Variants in CACNB4 observed in about 807,000 individuals in gnomAD.
The protein encoded by CACNB4 is calcium voltage-gated channel auxiliary subunit beta 4, also known as voltage-dependent L-type calcium channel subunit beta-4.
Under a neutral mutation model 71.2 loss-of-function variants are expected in CACNB4, and 32 were observed. That is an observed-to-expected ratio of 0.45 (90% CI 0.34 to 0.60). The LOEUF is 0.60. CACNB4 is among the 20% of genes least tolerant of loss of function. CACNB4 has a pLI of 0.01. For synonymous variants in CACNB4, 231 were observed against 236.9 expected (o/e 0.97, Z 0.23); for missense variants, 464 against 647.9 (o/e 0.72, Z 3.08).
intron 2 of CACNB4, among the ~76,000 whole-genome samples, chr2:152,029,615 C>A (rs556350703): frequency 6.6e-6 from 1 of 152,158 alleles, no homozygotes; most frequent in South Asian, 2.1e-4. Context: ...GGAAGAGGGT[C>A]TGCTATGGTC....
In CACNB4 at chr2:151,839,220, C is replaced by T; in HGVS notation, c.1462G>A (p.Val488Met). ...SQHSRDHYPL[V>M]EEDYPDSYQD... ...TATGAGTCAGGGTAATCTTCTTCCACAAGAGGGTAATGATCTCGGCTATGC... is the reference window on the plus strand; with the variant it reads ...TATGAGTCAGGGTAATCTTCTTCCATAAGAGGGTAATGATCTCGGCTATGC... Residue 488 changes from valine (V) to methionine (M), a missense_variant, in exon 14 of 14, where the codon GTG (valine) becomes ATG (methionine). Coordinates refer to ENST00000539935, the MANE Select transcript of CACNB4 (RefSeq NM_000726.5). The T allele has an allele frequency of 6.2e-7, 1 of 1,613,706 alleles. No individual in the cohort carries two copies. The highest frequency in any genetic ancestry group is 1.3e-5 in the African/African-American group (1 of 75,040).
At position 151,957,257 on chromosome 2, in the gene CACNB4, C is replaced by CGTGTATGTGTGTGTGTGTGTGTGTGTGT. The variant is rs3068823; in HGVS notation, c.148-73888_148-73887insACACACACACACACACACACACATACAC. On this transcript the variant is annotated intron_variant, in intron 2 of 13. Transcript: ENST00000539935. ...AGAAAAAAAAAGTAGAGTGGCTGGGCGTGTGTGTGTGTGTGTGTGTGTGTG... is the reference window on the plus strand; with the variant it reads ...AGAAAAAAAAAGTAGAGTGGCTGGGCGTGTATGTGTGTGTGTGTGTGTGTGTGTGTGTGTGTGTGTGTGTGTGTGTGTG... Among the ~76,000 whole-genome samples the CGTGTATGTGTGTGTGTGTGTGTGTGTGT allele has an allele frequency of 4.4e-4, 58 of 131,870 alleles. 1 individual carries two copies. Among genetic ancestry groups the CGTGTATGTGTGTGTGTGTGTGTGTGTGT allele is most frequent in the Admixed American group, 1.2e-3 (15 of 12,840 alleles). The allele number at this position is 131,870 out of a possible 152,430, so 86.5% of individuals were successfully genotyped here.
At chr2:152,023,510 C>CT (rs933380324) in intron 2 of CACNB4, among the ~76,000 whole-genome samples, 9 of 152,120 alleles carry the variant, frequency 5.9e-5, no homozygotes, top group African/African-American at 2.2e-4. Flanking sequence ...TCTCAGCTCA[C>CT]TGCAACCTCT....
At chr2:151,936,026 G>A (rs564324294) in intron 2 of CACNB4, among the ~76,000 whole-genome samples, 6 of 152,264 alleles carry the variant, frequency 3.9e-5, no homozygotes, top group African/African-American at 1.2e-4. Context: ...TAAACCAGCC[G>A]TCAAAAACAA....
intron 2 of CACNB4, among the ~76,000 whole-genome samples, chr2:152,038,667 T>A (rs1253117012): frequency 1.3e-5 from 2 of 152,108 alleles, no homozygotes; most frequent in Non-Finnish European, 2.9e-5. Flanking sequence ...GACATGGCAA[T>A]AAAAGCAGGA....
rs1390232925 is a variant in CACNB4, at chr2:151,971,735, T to A, written c.148-88365A>T. 7.8e-6 allele frequency: 5 copies of A among 644,470 alleles called. No individual in the cohort carries two copies. The East Asian group carries it at 1.4e-4, about 18-fold the overall frequency. The allele number at this position is 644,470 out of a possible 1,614,324, so 39.9% of individuals were successfully genotyped here. ...AAAAACAAATAAACTCAAATGAGCA[T>A]TCAGAGTCAGTTCACCCCTCCGAAC... On this transcript the variant is annotated intron_variant, in intron 2 of 13. Transcript: ENST00000539935.
intron 2 of CACNB4, chr2:151,974,054 A>C (rs1165741664): frequency 1.1e-6 from 1 of 912,570 alleles, no homozygotes; most frequent in African/African-American, 1.7e-5. Context: ...CGGAGAGTGG[A>C]GGGCGCCTCG....
chr2:151,997,071 C>T (rs1333249145), intron 2 of CACNB4, among the ~76,000 whole-genome samples: 2 of 152,154 alleles, frequency 1.3e-5, no homozygotes, highest in African/African-American at 4.8e-5. Flanking sequence ...CTGTAGTGAG[C>T]TGAGTGATGA....
intron 2 of CACNB4, among the ~76,000 whole-genome samples, chr2:151,918,305 A>G (rs1467221208): frequency 6.6e-6 from 1 of 152,248 alleles, no homozygotes; most frequent in East Asian, 1.9e-4. Flanking sequence ...GTAGGACACC[A>G]TGGGAGTTGC....
At chr2:151,986,972 C>A (rs1019340672) in intron 2 of CACNB4, among the ~76,000 whole-genome samples, 1 of 152,174 alleles carries the variant, frequency 6.6e-6, no homozygotes, top group Non-Finnish European at 1.5e-5. Flanking sequence ...CATACAGAGA[C>A]CCTTCTGGAA....
intron 8 of CACNB4, chr2:151,869,690 A>G (rs931067734): frequency 4.9e-5 from 8 of 164,612 alleles, no homozygotes; most frequent in Non-Finnish European, 9.2e-5. Flanking sequence ...CCATGGCTGG[A>G]TTTTTGTAGA....
Position 152,079,773 on chromosome 2 carries a change from G to T in CACNB4, c.147+18557C>A, listed in dbSNP as rs60073145. ...TGTGCTCCAGCCTGGGTAACAGAGC[G>T]ATATCCTGTCTCAAAAAAATAAAAA... On this transcript the variant is annotated intron_variant, in intron 2 of 13. Transcript: ENST00000539935. 2.0e-5 allele frequency among the ~76,000 whole-genome samples: 3 copies of T among 152,160 alleles called. No individual in the cohort carries two copies. In the East Asian group the frequency reaches 5.8e-4, roughly 29 times the overall value.
At chr2:151,857,966 G>A (rs1473727086) in intron 10 of CACNB4, 6 of 152,240 alleles carry the variant, frequency 3.9e-5, no homozygotes, top group African/African-American at 1.4e-4. Context: ...TGCTGGAGAA[G>A]GCCACATTAA....
Position 151,882,866 on chromosome 2 carries a change from G to A in CACNB4, c.267+385C>T, listed in dbSNP as rs148112605. Reference sequence around the variant, plus strand: ...AGAAGAGTAGAGAAACAAACAGGGCGATCCACAGAACAACAGCACACGTGT... The same window carrying A: ...AGAAGAGTAGAGAAACAAACAGGGCAATCCACAGAACAACAGCACACGTGT... On this transcript the variant is annotated intron_variant, in intron 3 of 13. Coordinates refer to ENST00000539935, the MANE Select transcript of CACNB4 (RefSeq NM_000726.5). The A allele has an allele frequency of 1.7e-4, 46 of 277,964 alleles. No homozygotes were observed. The East Asian group carries it at 3.8e-3, about 23-fold the overall frequency. 17.2% of individuals were successfully genotyped at this position (277,964 alleles called of 1,614,324 possible).
At chr2:152,090,506 G>A in intron 2 of CACNB4, among the ~76,000 whole-genome samples, 1 of 152,040 alleles carries the variant, frequency 6.6e-6, no homozygotes, top group East Asian at 1.9e-4. Flanking sequence ...AGCCAGGCGT[G>A]GTGACACATG....
intron 2 of CACNB4, among the ~76,000 whole-genome samples, chr2:151,994,520 T>C (rs10204308): frequency 0.024 from 3,087 of 130,184 alleles, 104 homozygotes; most frequent in African/African-American, 0.085. Context: ...GGGTCCCCCC[T>C]TTTTTTTTTG....
intron 3 of CACNB4, 83 bp downstream of exon 3, chr2:151,883,168 A>T: frequency 7.2e-7 from 1 of 1,383,360 alleles, no homozygotes; most frequent in Non-Finnish European, 1.0e-6. Context: ...TGATTATTCC[A>T]GAAATGTGAG....
At chr2:151,848,106 C>A (rs975095467) in intron 12 of CACNB4, among the ~76,000 whole-genome samples, 14 of 152,112 alleles carry the variant, frequency 9.2e-5, no homozygotes, top group Admixed American at 3.3e-4. Context: ...AAGATAATAC[C>A]ATCTACCAAC....
intron 2 of CACNB4, among the ~76,000 whole-genome samples, chr2:151,895,094 CCCCACACACACACACACACA>C (rs1470243051): frequency 6.8e-5 from 9 of 132,736 alleles, no homozygotes; most frequent in South Asian, 2.3e-4. Context: ...ACTCAAATAG[CCCCACACACACACACACACA>C]CACACACACA....
Sources: gnomAD v4.1 joint callset for allele counts (sites outside exome capture counted in the v4.1 genomes callset) on GRCh38, gnomAD v4.1.1 for gene constraint, MANE v1.5 for transcripts, NCBI Gene and HGNC (gene_info 2026-07-23, HGNC 2026-07-21) for gene names.